ZBTB1: variants seen among roughly 807,000 people sequenced by gnomAD.
ZBTB1 encodes the protein zinc finger and BTB domain-containing protein 1.
A neutral mutation model predicts 51.6 loss-of-function variants in ZBTB1; 13 were observed. That is an observed-to-expected ratio of 0.25 (90% CI 0.16 to 0.40). The LOEUF (loss-of-function observed/expected upper bound fraction) is 0.40. Among genes scored for constraint, ZBTB1 ranks in the 10% least tolerant of loss-of-function variants. The pLI, the probability that ZBTB1 is intolerant of heterozygous loss-of-function variation, is 1.00. For synonymous variants in ZBTB1, 240 were observed against 282.2 expected (o/e 0.85, Z 1.50); for missense variants, 567 against 856.5 (o/e 0.66, Z 4.22).
At chr14:64,516,790 T>G (rs984345095) in intron 1 of ZBTB1, 1 of 152,250 alleles carries the variant, frequency 6.6e-6, no homozygotes, top group Non-Finnish European at 1.5e-5. Context: ...AAATGTGCAT[T>G]AAAATGCTAT....
At chr14:64,521,426 G>A in intron 1 of ZBTB1, 61 bp from the exon 2 acceptor site, 2 of 1,369,180 alleles carry the variant, frequency 1.5e-6, no homozygotes, top group Non-Finnish European at 2.0e-6. Flanking sequence ...CATGATAAAA[G>A]TTAATTTTGT....
chr14:64,521,342 TA>T, intron 1 of ZBTB1, 144 bp from the exon 2 acceptor site: 1 of 601,746 alleles, frequency 1.7e-6, no homozygotes, highest in South Asian at 2.6e-5. Context: ...GATTCAAGTA[TA>T]TATTATTGAG....
At chr14:64,520,484 T>TTTTTG (rs761488172) in intron 1 of ZBTB1, among the ~76,000 whole-genome samples, 7 of 152,184 alleles carry the variant, frequency 4.6e-5, no homozygotes, top group South Asian at 2.1e-4. Context: ...GGCTAATGTT[T>TTTTTG]TTTTGTTTTG....
rs769450178 is a variant in ZBTB1, at chr14:64,521,772, G to A, written c.268G>A (p.Ala90Thr). Residue 90 changes from alanine (A) to threonine (T), a missense_variant, in exon 2 of 2, where the codon GCT (alanine) becomes ACT (threonine). Around this residue, in one of 5 missense-constraint regions of ZBTB1, gnomAD observed 69 missense variants for 136.4 expected, o/e 0.51. Transcript: ENST00000683701. ...TATGTATTTAGGAAAAATTATGACA[G>A]CTCCCTCCAGTTTTGAGCAGTTTAA... ...QFMYLGKIMT[A>T]PSSFEQFKVA... 8.1e-6 allele frequency: 13 copies of A among 1,611,978 alleles called. No homozygotes were observed. In the South Asian group the frequency reaches 1.3e-4, roughly 16 times the overall value.
chr14:64,526,825 T>G (rs1480131564), downstream of ZBTB1, among the ~76,000 whole-genome samples: 1 of 151,962 alleles, frequency 6.6e-6, no homozygotes, highest in Non-Finnish European at 1.5e-5. Context: ...GAGGATTGCT[T>G]GAGTCCAGGA....
intron 1 of ZBTB1, among the ~76,000 whole-genome samples, chr14:64,520,857 GTTTTC>G (rs2079852814): frequency 6.7e-6 from 1 of 148,560 alleles, no homozygotes. Flanking sequence ...TTCAAGAGTT[GTTTTC>G]TTTTTTTTTT....
intron 1 of ZBTB1, among the ~76,000 whole-genome samples, chr14:64,507,551 C>G (rs2079678716): frequency 2.0e-5 from 3 of 152,214 alleles, no homozygotes; most frequent in Admixed American, 1.3e-4. Context: ...GTGTGCCTCA[C>G]TCTGCCTGGG....
Position 64,522,200 on chromosome 14 carries a change from T to C in ZBTB1, c.696T>C (p.Asp232=). 1 of 1,614,240 alleles carries C rather than the reference T, an allele frequency of 6.2e-7. No individual in the cohort carries two copies. The highest frequency in any genetic ancestry group is 8.5e-7 in the Non-Finnish European group (1 of 1,180,038). ...GFGFSCEKLL[D]EHVLTCTNRH... ...GCTTTAGCTGTGAAAAATTATTAGA[T>C]GAGCATGTGCTAACCTGTACTAACA... is the stretch of plus-strand genomic sequence containing the variant. The change falls in exon 2 of 2, where the codon GAT becomes GAC. Residue 232 remains aspartate (D), a synonymous_variant. Transcript: ENST00000683701.
At chr14:64,529,471 A>G (rs2079927430), downstream of ZBTB1, among the ~76,000 whole-genome samples, 1 of 152,226 alleles carries the variant, frequency 6.6e-6, no homozygotes, top group Non-Finnish European at 1.5e-5. Context: ...GATTATGTGG[A>G]TAAGAAATTC....
At chr14:64,517,753 AGAAATATATATATAT>A (rs2079801982) in intron 1 of ZBTB1, among the ~76,000 whole-genome samples, 1 of 69,194 alleles carries the variant, frequency 1.4e-5, no homozygotes, top group South Asian at 5.2e-4. Context: ...GTTGCCATTT[AGAAATATATATATAT>A]ATATATATAT....
intron 1 of ZBTB1, among the ~76,000 whole-genome samples, chr14:64,509,317 G>A (rs2079698765): frequency 1.3e-5 from 2 of 152,178 alleles, no homozygotes; most frequent in South Asian, 2.1e-4. Flanking sequence ...GTTGCAGTGA[G>A]CCGAAATTGC....
chr14:64,522,123 CGT>C lies in ZBTB1; in HGVS notation c.624_625del (p.Ser209LysfsTer10). The C allele has an allele frequency of 6.2e-7, 1 of 1,614,152 alleles. No homozygotes were observed. The highest frequency in any genetic ancestry group is 1.1e-5 in the South Asian group (1 of 91,080). On this transcript the variant is annotated frameshift_variant, in exon 2 of 2. Coordinates refer to ENST00000683701, the MANE Select transcript of ZBTB1 (RefSeq NM_001123329.2). LOFTEE classifies it high-confidence loss of function. Reference protein sequence around the residue: ...SVSKLSTPKERVSRRFGRSFT... With the variant: ...SVSKLSTPKEXVSRRFGRSFT... Reference sequence around the variant, plus strand: ...GTCCAAATTATCTACTCCAAAAGAACGTGTGTCAAGACGCTTTGGGCGGAGTT... The same window carrying C: ...GTCCAAATTATCTACTCCAAAAGAACGTGTCAAGACGCTTTGGGCGGAGTT...
At position 64,524,615 on chromosome 14, in the gene ZBTB1, A is replaced by T. The variant is rs2079889115; in HGVS notation, c.*969A>T. ...TGAGAAAGCTTCCATGTATATTGAT[A>T]AATCTAATAAAATAAAGAGATCAAT... is the stretch of plus-strand genomic sequence containing the variant. On this transcript the variant is annotated 3_prime_UTR_variant, in exon 2 of 2. Coordinates refer to ENST00000683701, the MANE Select transcript of ZBTB1 (RefSeq NM_001123329.2). 1.0e-6 allele frequency: 1 copy of T among 981,580 alleles called. No individual in the cohort carries two copies. 60.8% of individuals were successfully genotyped at this position (981,580 alleles called of 1,614,324 possible).
rs371466604 is a variant in ZBTB1 at position 64,521,880 on chromosome 14, T to A, written c.376T>A (p.Cys126Ser). 1 of 1,613,564 alleles carries A rather than the reference T, an allele frequency of 6.2e-7. No homozygotes were observed. Among genetic ancestry groups the A allele is most frequent in the Non-Finnish European group, 8.5e-7 (1 of 1,180,048 alleles). ...GGATGCAGATTGTTCTAGTTCAAAA[T>A]GTTCCTCTTCTGCTTCCAGCAAACA... ...IQDADCSSSK[C>S]SSSASSKQNS... The change falls in exon 2 of 2, where the codon TGT becomes AGT. Residue 126 changes from cysteine to serine, a missense_variant. This residue lies in a region of ZBTB1 where 74 missense variants were observed against 74.9 expected (regional missense o/e 0.99). Coordinates refer to ENST00000683701, the MANE Select transcript of ZBTB1 (RefSeq NM_001123329.2).
chr14:64,514,694 A>G (rs1208675152), intron 1 of ZBTB1, among the ~76,000 whole-genome samples: 1 of 152,250 alleles, frequency 6.6e-6, no homozygotes, highest in African/African-American at 2.4e-5. Context: ...CATTACAGAT[A>G]AAGAATTCAG....
rs939058131 is a variant in ZBTB1, at chr14:64,523,201, T to A, written c.1697T>A (p.Ile566Asn). Residue 566 changes from isoleucine to asparagine, a missense_variant, in exon 2 of 2, where the codon ATC becomes AAC. Coordinates refer to ENST00000683701, the MANE Select transcript of ZBTB1 (RefSeq NM_001123329.2). This position sits in a 1 kb window ranked among gnomAD's most constrained non-coding sequence, Gnocchi z 4.5. ...GATCAAGATATGTTTAAGAGTGCCATCATGGAAGAAAATGAAAGAGATCAC... is the reference window on the plus strand; with the variant it reads ...GATCAAGATATGTTTAAGAGTGCCAACATGGAAGAAAATGAAAGAGATCAC... Reference protein sequence around the residue: ...CLDQDMFKSAIMEENERDHRR... With the variant: ...CLDQDMFKSANMEENERDHRR... 2 of 1,614,186 alleles carry A rather than the reference T, an allele frequency of 1.2e-6. No individual in the cohort carries two copies. Among genetic ancestry groups the A allele is most frequent in the Non-Finnish European group, 1.7e-6 (2 of 1,180,014 alleles).
At chr14:64,509,980 T>TAAAAAAAAAAA (rs368681831) in intron 1 of ZBTB1, among the ~76,000 whole-genome samples, 1 of 133,406 alleles carries the variant, frequency 7.5e-6, no homozygotes, top group Admixed American at 7.6e-5. Flanking sequence ...CCGTCTCAAT[T>TAAAAAAAAAAA]AAAAAAAAAA....
intron 1 of ZBTB1, among the ~76,000 whole-genome samples, chr14:64,509,064 A>G (rs924485435): frequency 3.9e-5 from 6 of 152,216 alleles, no homozygotes; most frequent in Non-Finnish European, 1.5e-5. Flanking sequence ...CCTCACCCTA[A>G]GATCAGAAAA....
In ZBTB1 at chr14:64,524,104, TAAC is replaced by T. The variant is rs1263968773; in HGVS notation, c.*459_*461del. ...ACTATCCCGTTTGCTTTTAGTGAGT[TAAC>T]TACTCTTTATTCCCCCTTATTAATG... On this transcript the variant is annotated 3_prime_UTR_variant, in exon 2 of 2. Transcript: ENST00000683701. 1 of 984,656 alleles carries T rather than the reference TAAC, an allele frequency of 1.0e-6. No homozygotes were observed. The highest frequency in any genetic ancestry group is 1.2e-6 in the Non-Finnish European group (1 of 829,404). The allele number at this position is 984,656 out of a possible 1,614,324, so 61.0% of individuals were successfully genotyped here.
Sources: allele counts gnomAD v4.1 joint callset (sites outside exome capture counted in the v4.1 genomes callset), GRCh38; gene constraint gnomAD v4.1.1; regional missense constraint gnomAD v4.1.1; non-coding constraint Gnocchi (gnomAD v3.1); transcripts MANE v1.5; gene names NCBI Gene and HGNC (gene_info 2026-07-23, HGNC 2026-07-21).